Variants in MROH6 observed in about 807,000 individuals in gnomAD.
MROH6 encodes maestro heat-like repeat-containing protein family member 6.
In MROH6, 62 loss-of-function variants were observed where a neutral mutation model predicts 67.7. The observed-to-expected ratio is 0.92, with a 90% CI of 0.75 to 1.13. MROH6 has a LOEUF of 1.13. Among genes scored for constraint, MROH6 ranks in the 50% most tolerant of loss-of-function variants. MROH6 has a pLI of 0.00. For missense variants in MROH6, 1,175 were observed against 1,029.1 expected (o/e 1.14, Z -1.94); for synonymous variants, 566 against 470.8 (o/e 1.20, Z -2.62).
Position 143,572,038 on chromosome 8 carries a change from C to T in MROH6, c.442G>A (p.Asp148Asn). ...TGAAGTGGGTGAAGGCTGACCTGGT[C>T]CTCCAACCGCTCGCCCCGGGCCTCC... is the stretch of plus-strand genomic sequence containing the variant. Reference protein sequence around the residue: ...ALEARGERLEDQVHALVRGLL... With the variant: ...ALEARGERLENQVHALVRGLL... The change falls in exon 2 of 14, where the codon GAC (aspartate) becomes AAC (asparagine). Residue 148 changes from aspartate to asparagine, a missense_variant. Transcript: ENST00000398882. The T allele has an allele frequency of 1.9e-6, 3 of 1,610,926 alleles. No homozygotes were observed. The highest frequency in any genetic ancestry group is 2.5e-6 in the Non-Finnish European group (3 of 1,178,942).
rs988573235 is a variant in MROH6, at chr8:143,568,704, G to C, written c.1492C>G (p.Arg498Gly). Residue 498 changes from arginine to glycine, a missense_variant, in exon 10 of 14, where the codon CGC (arginine) becomes GGC (glycine). By Grantham distance (125) the Arg-to-Gly change is moderately radical. Coordinates refer to ENST00000398882, the MANE Select transcript of MROH6 (RefSeq NM_001100878.2). ...PLLDDTRDSI[R>G]ASAVGLLGTL... is the part of the protein sequence containing the mutation. ...CCAAGGAGCCCGACGGCCGAGGCGC[G>C]GATTGAGTCCCGTGTCTGCGTGGGA... 1 of 1,500,856 alleles carries C rather than the reference G, an allele frequency of 6.7e-7. No individual in the cohort carries two copies. Among genetic ancestry groups the C allele is most frequent in the Non-Finnish European group, 8.9e-7 (1 of 1,127,852 alleles). 93.0% of individuals were successfully genotyped at this position (1,500,856 alleles called of 1,614,324 possible). A position where few individuals can be genotyped will look rare whatever the true frequency, so the allele number is the denominator to read the frequency against.
Position 143,567,258 on chromosome 8 carries a change from G to A in MROH6, c.2141C>T (p.Ser714Phe), listed in dbSNP as rs1449752787. 1 of 1,222,188 alleles carries A rather than the reference G, an allele frequency of 8.2e-7. No individual in the cohort carries two copies. Among genetic ancestry groups the A allele is most frequent in the Admixed American group, 4.3e-5 (1 of 23,364 alleles). 75.7% of individuals were successfully genotyped at this position (1,222,188 alleles called of 1,614,324 possible). A position where few individuals can be genotyped will look rare whatever the true frequency, so the allele number is the denominator to read the frequency against. ...RRSVAGRWGC[S>F]GPRRA ...CGAGCCTCAGGCTCGGCGGGGTCCGGAGCAGCCCCAGCGGCCCGCGACGCT... is the reference window on the plus strand; with the variant it reads ...CGAGCCTCAGGCTCGGCGGGGTCCGAAGCAGCCCCAGCGGCCCGCGACGCT... Residue 714 changes from serine to phenylalanine, a missense_variant, in exon 14 of 14, where the codon TCC becomes TTC. Physicochemically the swap from Ser to Phe is radical, Grantham distance 155. Coordinates refer to ENST00000398882, the MANE Select transcript of MROH6 (RefSeq NM_001100878.2).
intron 4 of MROH6, 28 bp downstream of exon 4, chr8:143,570,849 C>A (rs1231833152): frequency 4.0e-5 from 57 of 1,434,900 alleles, no homozygotes; most frequent in Non-Finnish European, 5.2e-5. Flanking sequence ...CCCGCCCCCA[C>A]CCCCTGGTAA....
chr8:143,571,421 C>A lies in MROH6; in HGVS notation c.602+246G>T, dbSNP rs370306979. Among the ~76,000 whole-genome samples the A allele has an allele frequency of 7.9e-5, 12 of 152,276 alleles. No individual in the cohort carries two copies. The East Asian group carries it at 1.9e-3, about 24-fold the overall frequency. On this transcript the variant is annotated intron_variant, in intron 3 of 13. Transcript: ENST00000398882. The stretch of plus-strand genomic sequence containing the variant: ...AGGACGGTCTCCAGGGGAGGCCACC[C>A]GAAGATAGAAGGTGGCTCCAAGAGA...
At position 143,570,580 on chromosome 8, in the gene MROH6, C is replaced by T. The variant is rs1448421455; in HGVS notation, c.798G>A (p.Leu266=). ...TGTGCAGCTGTGTGACCAGCGCAAG[C>T]AGCAGATGTGGGTAGAAGCCCCTCG... ...GATRGFYPHL[L]LALVTQLHKL... is the part of the protein sequence containing the mutation. The change falls in exon 5 of 14, where the codon CTG becomes CTA. Residue 266 remains leucine, a synonymous_variant. Transcript: ENST00000398882. 11 of 1,607,074 alleles carry T rather than the reference C, an allele frequency of 6.8e-6. No homozygotes were observed. Among genetic ancestry groups the T allele is most frequent in the Non-Finnish European group, 9.3e-6 (11 of 1,179,826 alleles).
At chr8:143,570,829 AC>A (rs752326299) in intron 4 of MROH6, 47 bp downstream of exon 4, 8 of 572,408 alleles carry the variant, frequency 1.4e-5, no homozygotes, top group Non-Finnish European at 2.0e-5. Flanking sequence ...GCTCCTCGCC[AC>A]CCCCCACCCC....
At chr8:143,571,315 G>A (rs1297100420) in intron 3 of MROH6, among the ~76,000 whole-genome samples, 1 of 152,040 alleles carries the variant, frequency 6.6e-6, no homozygotes, top group Non-Finnish European at 1.5e-5. Flanking sequence ...GATAACTTCT[G>A]GGGCCAATTA....
In MROH6 at chr8:143,568,719, T is replaced by C. The variant is rs1321174530; in HGVS notation, c.1477A>G (p.Thr493Ala). 1.5e-5 allele frequency: 22 copies of C among 1,484,428 alleles called. No homozygotes were observed. The highest frequency in any genetic ancestry group is 1.9e-5 in the Non-Finnish European group (21 of 1,119,142). The allele number at this position is 1,484,428 out of a possible 1,614,324, so 92.0% of individuals were successfully genotyped here. The change falls in exon 10 of 14, where the codon ACA (threonine) becomes GCA (alanine). Residue 493 changes from threonine to alanine, a missense_variant and splice_region_variant. By Grantham distance (58) the Thr-to-Ala change is moderately conservative. Transcript: ENST00000398882. ...GCCGAGGCGCGGATTGAGTCCCGTG[T>C]CTGCGTGGGAGGGCGCAGTCAGGGC... is the stretch of plus-strand genomic sequence containing the variant. ...GPRLPPLLDD[T>A]RDSIRASAVG...
At position 143,571,817 on chromosome 8, in the gene MROH6, T is replaced by C. The variant is rs777686737; in HGVS notation, c.452A>G (p.His151Arg). The C allele has an allele frequency of 2.6e-6, 4 of 1,542,662 alleles. No homozygotes were observed. The South Asian group carries it at 3.6e-5, about 14-fold the overall frequency. Reference protein sequence around the residue: ...ARGERLEDQVHALVRGLLAQV... With the variant: ...ARGERLEDQVRALVRGLLAQV... ...CGCCAGCAGCCCACGCACCAGAGCA[T>C]GCACCTGGTGGGGAAGGGGGCAGAC... Residue 151 changes from histidine to arginine, a missense_variant, in exon 3 of 14, where the codon CAT becomes CGT. Physicochemically the swap from His to Arg is conservative, Grantham distance 29. Transcript: ENST00000398882.
chr8:143,569,990 G>C lies in MROH6; in HGVS notation c.1119C>G (p.Asp373Glu), dbSNP rs1360275595. Residue 373 changes from aspartate (D) to glutamate (E), a missense_variant, in exon 7 of 14, where the codon GAC becomes GAG. Coordinates refer to ENST00000398882, the MANE Select transcript of MROH6 (RefSeq NM_001100878.2). ...CCATAGCCGTGAGACGCTGCGGGTC[G>C]TCCGCGCTGCGAAGCCGAGGGAGCA... ...ADLLPRLRSA[D>E]DPQRLTAMAF... 1.2e-6 allele frequency: 2 copies of C among 1,613,188 alleles called. No individual in the cohort carries two copies. Among genetic ancestry groups the C allele is most frequent in the Non-Finnish European group, 1.7e-6 (2 of 1,179,850 alleles).
chr8:143,567,748 C>G (rs1261020488), intron 12 of MROH6, 38 bp downstream of exon 12: 1 of 1,570,642 alleles, frequency 6.4e-7, no homozygotes, highest in East Asian at 2.3e-5. Context: ...CTCCCAAAGC[C>G]CCGGTGCCAG....
Position 143,567,248 on chromosome 8 carries a change from G to T in MROH6, c.2151C>A (p.Arg717=). The change falls in exon 14 of 14, where the codon CGC becomes CGA. Residue 717 remains arginine (R), a synonymous_variant. Transcript: ENST00000398882. The part of the protein sequence containing the change: ...VAGRWGCSGP[R]RA ...GCCCCAGCCCCGAGCCTCAGGCTCG[G>T]CGGGGTCCGGAGCAGCCCCAGCGGC... is the stretch of plus-strand genomic sequence containing the variant. 1.6e-6 allele frequency: 2 copies of T among 1,221,566 alleles called. No individual in the cohort carries two copies. 75.7% of individuals were successfully genotyped at this position (1,221,566 alleles called of 1,614,324 possible).
Position 143,567,086 on chromosome 8 carries a change from G to T in MROH6, c.*153C>A. ...CCCTCTGTCACCATCAGGGTGGTGG[G>T]TGCCTGAAGAGGGGTCACGGGGGTG... On this transcript the variant is annotated 3_prime_UTR_variant, in exon 14 of 14. Coordinates refer to ENST00000398882, the MANE Select transcript of MROH6 (RefSeq NM_001100878.2). The T allele has an allele frequency of 2.8e-6, 1 of 357,606 alleles. No individual in the cohort carries two copies. The highest frequency in any genetic ancestry group is 4.3e-5 in the East Asian group (1 of 23,430). The allele number at this position is 357,606 out of a possible 1,614,324, so 22.2% of individuals were successfully genotyped here.
At position 143,567,402 on chromosome 8, in the gene MROH6, TGAGCGGAC is replaced by T. The variant is rs1823678185; in HGVS notation, c.1989_1996del (p.Ser664AlafsTer73). The T allele has an allele frequency of 7.9e-7, 1 of 1,272,140 alleles. No individual in the cohort carries two copies. Among genetic ancestry groups the T allele is most frequent in the Non-Finnish European group, 9.9e-7 (1 of 1,008,792 alleles). 78.8% of individuals were successfully genotyped at this position (1,272,140 alleles called of 1,614,324 possible). On this transcript the variant is annotated frameshift_variant, in exon 14 of 14. Coordinates refer to ENST00000398882, the MANE Select transcript of MROH6 (RefSeq NM_001100878.2). LOFTEE classifies it low-confidence loss of function (END_TRUNC). ...GGCACGGGCCAGCATCGCCACCTGC[TGAGCGGAC>T]ACGTGCGCTGCCGCGGCCACAGCCG...
chr8:143,570,716 G>A, intron 4 of MROH6, 59 bp from the exon 5 acceptor site: 1 of 1,529,096 alleles, frequency 6.5e-7, no homozygotes. Flanking sequence ...CTGGGCAGCA[G>A]AGGGACAGGC....
At position 143,567,770 on chromosome 8, in the gene MROH6, C is replaced by T; in HGVS notation, c.1867+16G>A. 5 of 1,563,068 alleles carry T rather than the reference C, an allele frequency of 3.2e-6. No homozygotes were observed. Among genetic ancestry groups the T allele is most frequent in the Non-Finnish European group, 4.3e-6 (5 of 1,153,172 alleles). ...AGCCCCGGTGCCAGGGGCAGTGTGA[C>T]CCCGGGCGGCCTCACCTATAAGCAC... On this transcript the variant is annotated intron_variant, in intron 12 of 13. Transcript: ENST00000398882.
rs1823868287 is a variant in MROH6, at chr8:143,569,505, G to T, written c.1412C>A (p.Pro471His). ...LGALRRLLLR[P>H]RAPVRLLSAE... ...GCTCAGGAGCCGCACAGGCGCCCGG[G>T]GCCGCAGCAGGAGCCTCCTCAGGGC... Residue 471 changes from proline (P) to histidine (H), a missense_variant, in exon 9 of 14, where the codon CCC becomes CAC. By Grantham distance (77) the Pro-to-His change is moderately conservative. Transcript: ENST00000398882. 6.7e-7 allele frequency: 1 copy of T among 1,488,592 alleles called. No individual in the cohort carries two copies. The highest frequency in any genetic ancestry group is 1.5e-5 in the African/African-American group (1 of 68,056). 92.2% of individuals were successfully genotyped at this position (1,488,592 alleles called of 1,614,324 possible). A position where few individuals can be genotyped will look rare whatever the true frequency, so the allele number is the denominator to read the frequency against.
rs768413349 is a variant in MROH6 at position 143,570,285 on chromosome 8, A to ACCAGCCTCCT, written c.991_1000dup (p.Val334GlufsTer211). 3.1e-6 allele frequency: 5 copies of ACCAGCCTCCT among 1,605,104 alleles called. No homozygotes were observed. The Admixed American group carries it at 8.4e-5, about 27-fold the overall frequency. On this transcript the variant is annotated frameshift_variant, in exon 6 of 14. Coordinates refer to ENST00000398882, the MANE Select transcript of MROH6 (RefSeq NM_001100878.2). LOFTEE classifies it high-confidence loss of function. ...GCCCTCCAGGTGGGTGTGGGCTCCC[A>ACCAGCCTCCT]CCAGCCTCCTCCAGCCTCCTGCCTG...
chr8:143,569,006 AGGGGCG>A (rs1244215599), intron 9 of MROH6: 1 of 41,350 alleles, frequency 2.4e-5, no homozygotes, highest in Non-Finnish European at 4.0e-5. Context: ...AGCAGGCGGG[AGGGGCG>A]GGGGCGGTCA....
Sources: gnomAD v4.1 joint callset for allele counts (sites outside exome capture counted in the v4.1 genomes callset) on GRCh38, gnomAD v4.1.1 for gene constraint, MANE v1.5 for transcripts, NCBI Gene and HGNC (gene_info 2026-07-23, HGNC 2026-07-21) for gene names.